KPNA1: variants seen among roughly 807,000 people sequenced by gnomAD.
The protein encoded by KPNA1 is importin subunit alpha-5.
Under a neutral mutation model 70.5 loss-of-function variants are expected in KPNA1, and 10 were observed. The ratio of observed to expected loss-of-function variants is 0.14; its 90% CI spans 0.09 to 0.24. The LOEUF (loss-of-function observed/expected upper bound fraction) is 0.24, where lower values mean the gene tolerates loss of function less well. Among genes scored for constraint, KPNA1 ranks in the 10% least tolerant of loss-of-function variants. The probability of loss-of-function intolerance (pLI) is 1.00; values close to 1 mark genes in which losing one functional copy is unlikely to be tolerated. For synonymous variants in KPNA1, 192 were observed against 221.9 expected, an observed-to-expected ratio of 0.87 and a Z score of 1.20; for missense variants, 397 against 637.9, an observed-to-expected ratio of 0.62 and a Z score of 4.07.
chr3:122,477,973 C>G (rs889651512), intron 2 of KPNA1, among the ~76,000 whole-genome samples: 3 of 151,390 alleles, frequency 2.0e-5, no homozygotes, highest in Admixed American at 6.6e-5. Context: ...ACCATCCTGG[C>G]CAACATGGTG....
chr3:122,488,497 T>C (rs1451749947), intron 2 of KPNA1, among the ~76,000 whole-genome samples: 2 of 152,216 alleles, frequency 1.3e-5, no homozygotes, highest in African/African-American at 2.4e-5. Context: ...CTAGCCTGCA[T>C]GGGCAACAGA....
At chr3:122,453,621 C>T (rs993012175) in intron 6 of KPNA1, among the ~76,000 whole-genome samples, 11 of 152,064 alleles carry the variant, frequency 7.2e-5, no homozygotes, top group Admixed American at 2.0e-4. Context: ...ACTGTAACCT[C>T]CACCTCTCGG....
In KPNA1 at chr3:122,437,173, G is replaced by C; in HGVS notation, c.1119C>G (p.Ile373Met). The change falls in exon 11 of 14, where the codon ATC (isoleucine) becomes ATG (methionine). Residue 373 changes from isoleucine (I) to methionine (M), a missense_variant. Physicochemically the swap from Ile to Met is conservative, Grantham distance 10. Coordinates refer to ENST00000344337, the MANE Select transcript of KPNA1 (RefSeq NM_002264.4). Reference sequence around the variant, plus strand: ...AAGTTAGGTCCTATGAGGTTACCTGGATCTGTGCCCTATTTCCAGCTGTAA... The same window carrying C: ...AAGTTAGGTCCTATGAGGTTACCTGCATCTGTGCCCTATTTCCAGCTGTAA... Reference protein sequence around the residue: ...SNITAGNRAQIQTVIDANIFP... With the variant: ...SNITAGNRAQMQTVIDANIFP... 6.2e-7 allele frequency: 1 copy of C among 1,613,038 alleles called. No homozygotes were observed. The highest frequency in any genetic ancestry group is 8.5e-7 in the Non-Finnish European group (1 of 1,179,638).
chr3:122,461,800 G>C (rs1342919757), intron 4 of KPNA1, among the ~76,000 whole-genome samples: 1 of 152,184 alleles, frequency 6.6e-6, no homozygotes, highest in Non-Finnish European at 1.5e-5. Flanking sequence ...AGATTGACTT[G>C]CCAACTTAGT....
intron 2 of KPNA1, among the ~76,000 whole-genome samples, chr3:122,482,281 T>C (rs1172307302): frequency 1.3e-5 from 2 of 152,156 alleles, no homozygotes; most frequent in African/African-American, 4.8e-5. Context: ...ATAGAAAAGG[T>C]ACAGTAAAAA....
In KPNA1 at chr3:122,423,679, T is replaced by C. The variant is rs2075784808; in HGVS notation, c.*3306A>G. ...AAGTAAATTCAAAGTTGCCTGTGGG[T>C]AGACGTACAATAGAATTGGTTGACA... is the stretch of plus-strand genomic sequence containing the variant. On this transcript the variant is annotated 3_prime_UTR_variant, in exon 14 of 14. Transcript: ENST00000344337. 6.6e-6 allele frequency: 1 copy of C among 152,624 alleles called. No homozygotes were observed. The highest frequency in any genetic ancestry group is 1.5e-5 in the Non-Finnish European group (1 of 68,034). 9.5% of individuals were successfully genotyped at this position (152,624 alleles called of 1,614,324 possible).
intron 12 of KPNA1, among the ~76,000 whole-genome samples, chr3:122,430,837 TTA>T (rs1191243516): frequency 6.6e-6 from 1 of 152,214 alleles, no homozygotes; most frequent in Non-Finnish European, 1.5e-5. Context: ...ACTCGTGAGC[TTA>T]GACAGGCCAA....
intron 2 of KPNA1, among the ~76,000 whole-genome samples, chr3:122,487,722 G>GA (rs1426486050): frequency 6.6e-6 from 1 of 152,164 alleles, no homozygotes; most frequent in African/African-American, 2.4e-5. Flanking sequence ...CATGGAAACA[G>GA]AAAGTAGAAT....
In KPNA1 at chr3:122,449,566, T is replaced by C. The variant is rs973543351; in HGVS notation, c.917+8A>G. 43 of 1,602,500 alleles carry C rather than the reference T, an allele frequency of 2.7e-5. No homozygotes were observed. The highest frequency in any genetic ancestry group is 1.7e-4 in the Middle Eastern group (1 of 6,012). On this transcript the variant is annotated splice_region_variant and intron_variant, in intron 9 of 13. Transcript: ENST00000344337. ...GAAAGTGGACACACTTTCTAAAAGA[T>C]ATCTTACATCAGCAGTTCCACAAGT...
In KPNA1 at chr3:122,422,179, T is replaced by C. The variant is rs949428232; in HGVS notation, c.*4806A>G. 26 of 152,182 alleles carry C rather than the reference T, an allele frequency of 1.7e-4. No homozygotes were observed. Among genetic ancestry groups the C allele is most frequent in the Admixed American group, 1.6e-3 (24 of 15,282 alleles). The allele number at this position is 152,182 out of a possible 1,614,324, so 9.4% of individuals were successfully genotyped here. A position where few individuals can be genotyped will look rare whatever the true frequency, so the allele number is the denominator to read the frequency against. On this transcript the variant is annotated 3_prime_UTR_variant, in exon 14 of 14. Transcript: ENST00000344337. ...ATTTTTGACATTCCTTGGGATGATA[T>C]TCCTTTAGGAAGAAGTAGACTGTGT...
At chr3:122,439,248 T>C (rs2076031229) in intron 10 of KPNA1, among the ~76,000 whole-genome samples, 1 of 152,152 alleles carries the variant, frequency 6.6e-6, no homozygotes, top group Admixed American at 6.5e-5. Context: ...GGTGGCATGA[T>C]CATAGCTCAC....
chr3:122,514,221 C>A (rs555192645), intron 1 of KPNA1, among the ~76,000 whole-genome samples: 1 of 152,276 alleles, frequency 6.6e-6, no homozygotes, highest in Non-Finnish European at 1.5e-5. Flanking sequence ...CCACCCCCCG[C>A]TTCCCCCACC....
chr3:122,482,309 T>C (rs2076580299), intron 2 of KPNA1, among the ~76,000 whole-genome samples: 1 of 152,254 alleles, frequency 6.6e-6, no homozygotes, highest in South Asian at 2.1e-4. Flanking sequence ...ATTATAATCT[T>C]ATGGGACCAC....
rs2076463503 is a variant in KPNA1 at position 122,473,298 on chromosome 3, T to C, written c.130-5869A>G. Among the ~76,000 whole-genome samples the C allele has an allele frequency of 4.6e-5, 7 of 152,258 alleles. No homozygotes were observed. The South Asian group carries it at 1.5e-3, about 32-fold the overall frequency. ...TTGCTGGTGAATTTTATAAAACATT[T>C]AGGAAAGAAATTATACCCATTCTGT... On this transcript the variant is annotated intron_variant, in intron 2 of 13. Transcript: ENST00000344337.
At chr3:122,491,026 C>A (rs181829888) in intron 2 of KPNA1, among the ~76,000 whole-genome samples, 1 of 152,148 alleles carries the variant, frequency 6.6e-6, no homozygotes, top group Non-Finnish European at 1.5e-5. Context: ...TATAAACTAG[C>A]AGAGGAAATT....
At position 122,422,511 on chromosome 3, in the gene KPNA1, G is replaced by C. The variant is rs534192571; in HGVS notation, c.*4474C>G. On this transcript the variant is annotated 3_prime_UTR_variant, in exon 14 of 14. Transcript: ENST00000344337. ...GTCATTTTAAGGGTGCTGATGGTAA[G>C]CAGGAGTCAGGAAGAATGGTCTAAC... The C allele has an allele frequency of 7.2e-5, 11 of 152,316 alleles. No individual in the cohort carries two copies. Among genetic ancestry groups the C allele is most frequent in the Admixed American group, 5.9e-4 (9 of 15,306 alleles). The allele number at this position is 152,316 out of a possible 1,614,324, so 9.4% of individuals were successfully genotyped here. A position where few individuals can be genotyped will look rare whatever the true frequency, so the allele number is the denominator to read the frequency against.
chr3:122,455,993 CGAGTA>C (rs1170234057), intron 5 of KPNA1, among the ~76,000 whole-genome samples: 1 of 152,096 alleles, frequency 6.6e-6, no homozygotes, highest in African/African-American at 2.4e-5. Context: ...ACTAATGACT[CGAGTA>C]ATGTTACACA....
In KPNA1 at chr3:122,426,724, G is replaced by C. The variant is rs191415413; in HGVS notation, c.*261C>G. On this transcript the variant is annotated 3_prime_UTR_variant, in exon 14 of 14. Coordinates refer to ENST00000344337, the MANE Select transcript of KPNA1 (RefSeq NM_002264.4). ...ATTCCCATAACTCTAATGTAAGTGCGGATCTCCAAAGCCTAGGGATTTTTC... is the reference window on the plus strand; with the variant it reads ...ATTCCCATAACTCTAATGTAAGTGCCGATCTCCAAAGCCTAGGGATTTTTC... 1.0e-3 allele frequency: 383 copies of C among 365,346 alleles called. 6 individuals are homozygous for C. In the East Asian group the frequency reaches 0.016, roughly 15 times the overall value. 22.6% of individuals were successfully genotyped at this position (365,346 alleles called of 1,614,324 possible).
At chr3:122,447,201 G>A (rs1049735256) in intron 9 of KPNA1, among the ~76,000 whole-genome samples, 27 of 152,088 alleles carry the variant, frequency 1.8e-4, no homozygotes, top group Non-Finnish European at 3.5e-4. Flanking sequence ...ACCAAAGCCT[G>A]GCAAAGACAC....
Sources: allele counts gnomAD v4.1 joint callset (sites outside exome capture counted in the v4.1 genomes callset), GRCh38; gene constraint gnomAD v4.1.1; transcripts MANE v1.5; gene names NCBI Gene and HGNC (gene_info 2026-07-23, HGNC 2026-07-21).